The following AFF2 variants were observed in gnomAD, a reference collection of about 807,000 sequenced individuals.
The protein encoded by AFF2 is AF4/FMR2 family member 2.
In AFF2, 14 loss-of-function variants were observed where a neutral mutation model predicts 76.9. That is an observed-to-expected ratio of 0.18 (90% CI 0.12 to 0.28). The LOEUF (loss-of-function observed/expected upper bound fraction) is 0.28, where lower values mean the gene tolerates loss of function less well. Among genes scored for constraint, AFF2 ranks in the 10% least tolerant of loss-of-function variants. The pLI, the probability that AFF2 is intolerant of heterozygous loss-of-function variation, is 1.00. For synonymous variants in AFF2, 398 were observed against 366.7 expected, an observed-to-expected ratio of 1.09 and a Z score of -0.98; for missense variants, 868 against 1,001.1, an observed-to-expected ratio of 0.87 and a Z score of 1.79.
intron 8 of AFF2, among the ~76,000 whole-genome samples, chrX:148,897,670 G>A (rs781864697): frequency 9.1e-6 from 1 of 109,560 alleles, no homozygotes; most frequent in African/African-American, 3.3e-5. Context: ...CATTTCTTCT[G>A]GTTATGAATG....
chrX:148,572,765 TAG>T (rs782167313), intron 1 of AFF2, among the ~76,000 whole-genome samples: 25 of 111,383 alleles, frequency 2.2e-4, no homozygotes, highest in Non-Finnish European at 4.5e-4. Flanking sequence ...GGGGAGAATG[TAG>T]AGTGACTGCT....
chrX:148,969,355 T>G (rs1368897309), intron 15 of AFF2, among the ~76,000 whole-genome samples: 1 of 112,413 alleles, frequency 8.9e-6, no homozygotes, highest in East Asian at 2.8e-4. Context: ...AAAGAGAGAA[T>G]AAGTATATTT....
At chrX:148,665,126 C>T (rs949684332) in intron 3 of AFF2, among the ~76,000 whole-genome samples, 2 of 112,013 alleles carry the variant, frequency 1.8e-5, no homozygotes, top group Admixed American at 9.5e-5. Flanking sequence ...TGTTTCCATA[C>T]CTCATTAGTA....
At chrX:148,967,783 G>A in intron 15 of AFF2, 91 bp downstream of exon 15, 4 of 831,425 alleles carry the variant, frequency 4.8e-6, no homozygotes, top group Non-Finnish European at 7.0e-6. Flanking sequence ...CAAATTTTCA[G>A]TATCACAGCC....
intron 3 of AFF2, among the ~76,000 whole-genome samples, chrX:148,798,754 A>G (rs2070019283): frequency 8.9e-6 from 1 of 111,915 alleles, no homozygotes; most frequent in Non-Finnish European, 1.9e-5. Context: ...TGTCCACGTT[A>G]ATTGGCATAG....
chrX:148,921,690 T>C (rs1343412416), intron 9 of AFF2, among the ~76,000 whole-genome samples: 1 of 112,502 alleles, frequency 8.9e-6, no homozygotes, highest in East Asian at 2.8e-4. Flanking sequence ...TTTAAGAACA[T>C]TGAGAGATAT....
At chrX:148,857,833 A>G (rs1424515573) in intron 7 of AFF2, among the ~76,000 whole-genome samples, 1 of 111,534 alleles carries the variant, frequency 9.0e-6, no homozygotes, top group Admixed American at 9.6e-5. Context: ...CAACCCTCCA[A>G]TGCTCTTGCT....
intron 13 of AFF2, among the ~76,000 whole-genome samples, chrX:148,963,899 A>T (rs1478203937): frequency 1.8e-5 from 2 of 111,990 alleles, no homozygotes; most frequent in Admixed American, 9.5e-5. Context: ...TTGAAAAAAA[A>T]TCTTTATTTT....
intron 3 of AFF2, among the ~76,000 whole-genome samples, chrX:148,696,886 G>T (rs781832968): frequency 1.1e-3 from 123 of 111,893 alleles, no homozygotes; most frequent in African/African-American, 3.9e-3. Context: ...GGCAATTTTT[G>T]GGTAGACTGC....
At chrX:148,582,946 T>C (rs1047236195) in intron 1 of AFF2, among the ~76,000 whole-genome samples, 1 of 99,647 alleles carries the variant, frequency 1.0e-5, no homozygotes, top group African/African-American at 3.5e-5. Context: ...TGTTACAACT[T>C]GTACCTCAAC....
chrX:148,606,047 A>G (rs1055842676), intron 1 of AFF2, among the ~76,000 whole-genome samples: 1 of 112,665 alleles, frequency 8.9e-6, no homozygotes, highest in South Asian at 3.6e-4. Context: ...CTCTGATGTG[A>G]TGCACTGAGA....
At chrX:148,625,728 A>C (rs1303794642) in intron 1 of AFF2, among the ~76,000 whole-genome samples, 1 of 111,843 alleles carries the variant, frequency 8.9e-6, no homozygotes, top group Non-Finnish European at 1.9e-5. Context: ...TCCTTCAGCC[A>C]TTCTAACTTA....
chrX:148,531,648 G>A lies in AFF2; in HGVS notation c.47+30504G>A, dbSNP rs370744109. Reference sequence around the variant, plus strand: ...GTAGACTATTAAGCAGCATACAAATGTGGAAGATGGTTAAGGGGTTAACGT... The same window carrying A: ...GTAGACTATTAAGCAGCATACAAATATGGAAGATGGTTAAGGGGTTAACGT... On this transcript the variant is annotated intron_variant, in intron 1 of 20. Coordinates refer to ENST00000370460, the MANE Select transcript of AFF2 (RefSeq NM_002025.4). Among the ~76,000 whole-genome samples the A allele has an allele frequency of 1.4e-4, 16 of 112,284 alleles. No homozygotes were observed. In the East Asian group the frequency reaches 2.2e-3, roughly 16 times the overall value.
chrX:148,785,988 A>G (rs939013629), intron 3 of AFF2, among the ~76,000 whole-genome samples: 5 of 111,695 alleles, frequency 4.5e-5, no homozygotes, highest in Non-Finnish European at 9.4e-5. Flanking sequence ...AAGGTGCCCA[A>G]TGTAACATAG....
chrX:148,601,521 T>C (rs1268113596), intron 1 of AFF2, among the ~76,000 whole-genome samples: 1 of 111,944 alleles, frequency 8.9e-6, no homozygotes, highest in East Asian at 2.8e-4. Context: ...CCTTTAGTAT[T>C]CTCCAGCTCT....
intron 1 of AFF2, among the ~76,000 whole-genome samples, chrX:148,587,407 A>T (rs1310482183): frequency 8.9e-6 from 1 of 112,450 alleles, no homozygotes; most frequent in Non-Finnish European, 1.9e-5. Context: ...TTTATTAAGC[A>T]AAGTGCCTGT....
intron 3 of AFF2, among the ~76,000 whole-genome samples, chrX:148,718,022 G>GT (rs3067311): frequency 0.041 from 4,098 of 100,072 alleles, 141 homozygotes; most frequent in African/African-American, 0.099. Context: ...TTTCCCCTTA[G>GT]TTTTTTTTTT....
chrX:148,521,415 C>CACAG (rs2052598990), intron 1 of AFF2, among the ~76,000 whole-genome samples: 1 of 108,045 alleles, frequency 9.3e-6, no homozygotes, highest in East Asian at 2.9e-4. Flanking sequence ...CACACACTCA[C>CACAG]TGAGACTTTT....
At chrX:148,640,751 G>A (rs1160662176) in intron 1 of AFF2, among the ~76,000 whole-genome samples, 1 of 112,437 alleles carries the variant, frequency 8.9e-6, no homozygotes, top group Non-Finnish European at 1.9e-5. Flanking sequence ...CTCAAATGAA[G>A]TTAGGGTTTT....
Sources: gnomAD v4.1 joint callset for allele counts (sites outside exome capture counted in the v4.1 genomes callset) on GRCh38, gnomAD v4.1.1 for gene constraint, MANE v1.5 for transcripts, NCBI Gene and HGNC (gene_info 2026-07-23, HGNC 2026-07-21) for gene names.